ZSCAN5B: variants seen among roughly 807,000 people sequenced by gnomAD.
ZSCAN5B encodes zinc finger and SCAN domain-containing protein 5B.
ZSCAN5B carries 26 observed loss-of-function variants against 25.2 expected under a neutral mutation model. The observed-to-expected ratio is 1.03, with a 90% CI of 0.76 to 1.43. The LOEUF is 1.43. Ranked by LOEUF, ZSCAN5B falls within the 40% of genes most tolerant of loss-of-function variation. ZSCAN5B has a pLI of 0.00. For missense variants in ZSCAN5B, 745 were observed against 622.1 expected, an observed-to-expected ratio of 1.20 and a Z score of -2.10; for synonymous variants, 244 against 240.9, an observed-to-expected ratio of 1.01 and a Z score of -0.12.
rs1161273148 is a variant in ZSCAN5B at position 56,190,830 on chromosome 19, T to A, written c.739+7A>T. On this transcript the variant is annotated splice_region_variant and intron_variant, in intron 4 of 4. Transcript: ENST00000586855. ...TAACCCCTGTGGATCCAAGTCTTCA[T>A]ACTCACTGGGACTCTTTGGAAGCTG... is the stretch of plus-strand genomic sequence containing the variant. 6.2e-7 allele frequency: 1 copy of A among 1,612,968 alleles called. No individual in the cohort carries two copies. The highest frequency in any genetic ancestry group is 1.3e-5 in the African/African-American group (1 of 74,826).
At chr19:56,196,494 A>T (rs1024005583) in intron 1 of ZSCAN5B, among the ~76,000 whole-genome samples, 1 of 139,540 alleles carries the variant, frequency 7.2e-6, no homozygotes, top group African/African-American at 2.5e-5. Flanking sequence ...AAAAATGATA[A>T]GACAGTGAGG....
chr19:56,190,468 G>A (rs1014812713), exon 5 of ZSCAN5B: 3 of 1,614,078 alleles, frequency 1.9e-6, no homozygotes, highest in African/African-American at 2.7e-5. Context: ...TTCCCGCTGT[G>A]AGTCAAAGCT....
At chr19:56,190,688 CCTAAGA>C in intron 4 of ZSCAN5B, 113 bp from the exon 5 acceptor site, 5 of 1,549,140 alleles carry the variant, frequency 3.2e-6, no homozygotes, top group Non-Finnish European at 4.3e-6. Flanking sequence ...CAACCTCAAG[CCTAAGA>C]CATTGGACTG....
exon 2 of ZSCAN5B, chr19:56,193,055 C>A: frequency 6.5e-7 from 1 of 1,544,580 alleles, no homozygotes; most frequent in Non-Finnish European, 8.8e-7. Context: ...GCAGCCATAT[C>A]TACTGGAGAA....
chr19:56,190,018 G>C (rs761213546), exon 5 of ZSCAN5B: 1 of 1,612,956 alleles, frequency 6.2e-7, no homozygotes, highest in Non-Finnish European at 8.5e-7. Flanking sequence ...TCCCCGGTGT[G>C]GATCCTCTTG....
exon 5 of ZSCAN5B, chr19:56,190,041 G>T (rs1476040124): frequency 1.2e-6 from 2 of 1,613,234 alleles, no homozygotes; most frequent in Non-Finnish European, 1.7e-6. Context: ...GCCCTGTAAG[G>T]TGGACTCGTG....
In ZSCAN5B at chr19:56,190,458, T is replaced by C. The variant is rs61742634; in HGVS notation, c.857A>G (p.Asn286Ser). 8.9e-5 allele frequency: 143 copies of C among 1,614,004 alleles called. No individual in the cohort carries two copies. Among genetic ancestry groups the C allele is most frequent in the African/African-American group, 6.4e-4 (48 of 74,920 alleles). ...GCTCAGATTCAGAGCATCTCCTCTGTTCCCGCTGTGAGTCAAAGCTTCTCT... is the reference window on the plus strand; with the variant it reads ...GCTCAGATTCAGAGCATCTCCTCTGCTCCCGCTGTGAGTCAAAGCTTCTCT... The change falls in exon 5 of 5, where the codon AAC (asparagine) becomes AGC (serine). Residue 286 changes from asparagine to serine, a missense_variant. Physicochemically the swap from Asn to Ser is conservative, Grantham distance 46. Coordinates refer to ENST00000586855, the Ensembl canonical transcript of ZSCAN5B.
chr19:56,193,823 A>G (rs924753698), intron 1 of ZSCAN5B, among the ~76,000 whole-genome samples: 9 of 152,056 alleles, frequency 5.9e-5, no homozygotes, highest in Non-Finnish European at 1.3e-4. Context: ...TTAGCTGGGC[A>G]TGGTGGCGGG....
At chr19:56,189,836 G>A (rs201929242) in exon 5 of ZSCAN5B, 333 of 1,606,964 alleles carry the variant, frequency 2.1e-4, no homozygotes, top group Middle Eastern at 1.3e-3. Context: ...ATCACTGGGA[G>A]GTGGTTTCCC....
exon 3 of ZSCAN5B, chr19:56,191,880 C>A (rs1404147977): frequency 5.6e-6 from 9 of 1,614,112 alleles, no homozygotes; most frequent in Non-Finnish European, 7.6e-6. Context: ...CGACCCTGGG[C>A]AGGATCTGCT....
rs138405087 is a variant in ZSCAN5B at position 56,197,463 on chromosome 19, C to T, written c.-128+271G>A. On this transcript the variant is annotated intron_variant, in intron 1 of 4. Transcript: ENST00000586855. ...ATGTTGGTCAGACTGGTCTTGAACT[C>T]CTGATCCCGTGATCTGCCCACCTCG... Among the ~76,000 whole-genome samples, 333 of 152,234 alleles carry T rather than the reference C, an allele frequency of 2.2e-3. 2 individuals carry two copies. Among genetic ancestry groups the T allele is most frequent in the African/African-American group, 7.8e-3 (323 of 41,544 alleles).
chr19:56,190,087 G>A, exon 5 of ZSCAN5B: 4 of 1,614,032 alleles, frequency 2.5e-6, no homozygotes, highest in Non-Finnish European at 3.4e-6. Flanking sequence ...CACATGTAGG[G>A]CCTCTCGCCA....
Position 56,190,820 on chromosome 19 carries a change from C to G in ZSCAN5B, c.739+17G>C. On this transcript the variant is annotated intron_variant, in intron 4 of 4. Coordinates refer to ENST00000586855, the Ensembl canonical transcript of ZSCAN5B. ...AGAGAGGGACTAACCCCTGTGGATC[C>G]AAGTCTTCATACTCACTGGGACTCT... 6.2e-7 allele frequency: 1 copy of G among 1,611,708 alleles called. No individual in the cohort carries two copies. Among genetic ancestry groups the G allele is most frequent in the Non-Finnish European group, 8.5e-7 (1 of 1,179,162 alleles).
intron 1 of ZSCAN5B, 100 bp downstream of exon 1, chr19:56,197,634 C>T: frequency 1.5e-6 from 1 of 689,120 alleles, no homozygotes; most frequent in Non-Finnish European, 1.8e-6. Context: ...ACAAAGTCTC[C>T]GAGAAAATAA....
At chr19:56,190,026 T>C (rs1282352855) in exon 5 of ZSCAN5B, 2 of 1,613,484 alleles carry the variant, frequency 1.2e-6, no homozygotes, top group South Asian at 1.1e-5. Context: ...GTGGATCCTC[T>C]TGTGGCCCTG....
At chr19:56,192,702 G>C in exon 2 of ZSCAN5B, 3 of 1,581,500 alleles carry the variant, frequency 1.9e-6, no homozygotes, top group Non-Finnish European at 2.6e-6. Context: ...TTCGTAGCAG[G>C]TCCTCCAGGT....
At chr19:56,194,080 C>T (rs1405896927) in intron 1 of ZSCAN5B, among the ~76,000 whole-genome samples, 1 of 152,032 alleles carries the variant, frequency 6.6e-6, no homozygotes, top group African/African-American at 2.4e-5. Flanking sequence ...GTTGTGCAAC[C>T]ATCACCACTT....
At chr19:56,194,614 T>G (rs2122205173) in intron 1 of ZSCAN5B, among the ~76,000 whole-genome samples, 1 of 152,244 alleles carries the variant, frequency 6.6e-6, no homozygotes, top group South Asian at 2.1e-4. Context: ...TAAAAAATTT[T>G]ATTTTTTTAT....
At chr19:56,197,275 T>C (rs922000698) in intron 1 of ZSCAN5B, among the ~76,000 whole-genome samples, 5 of 151,694 alleles carry the variant, frequency 3.3e-5, no homozygotes, top group Admixed American at 6.6e-5. Context: ...TGGGTTCAAA[T>C]GACTCTCCTG....
Sources: allele counts gnomAD v4.1 joint callset (sites outside exome capture counted in the v4.1 genomes callset), GRCh38; gene constraint gnomAD v4.1.1; transcripts MANE v1.5; gene names NCBI Gene and HGNC (gene_info 2026-07-23, HGNC 2026-07-21).